ZRANB1: variants seen among roughly 807,000 people sequenced by gnomAD.
ZRANB1 encodes the protein ubiquitin thioesterase ZRANB1.
A neutral mutation model predicts 80.5 loss-of-function variants in ZRANB1; 16 were observed. The ratio of observed to expected loss-of-function variants is 0.20; its 90% confidence interval spans 0.13 to 0.30. The LOEUF (loss-of-function observed/expected upper bound fraction) is 0.30. ZRANB1 is among the 10% of genes least tolerant of loss of function. ZRANB1 has a pLI of 1.00. For synonymous variants in ZRANB1, 291 were observed against 293.1 expected (o/e 0.99, Z 0.07); for missense variants, 576 against 862.6 (o/e 0.67, Z 4.16).
chr10:124,917,611 A>G, the ZRANB1 span, among the ~76,000 whole-genome samples: 1 of 152,058 alleles, frequency 6.6e-6, no homozygotes, highest in Non-Finnish European at 1.5e-5. Context: ...CGGATCGGCG[A>G]GTGGGGTTTC....
chr10:124,923,706 C>T, the ZRANB1 span, among the ~76,000 whole-genome samples: 7 of 152,026 alleles, frequency 4.6e-5, no homozygotes, highest in East Asian at 1.2e-3. Context: ...AGCACCTTCA[C>T]AAGGCAGGAG....
the ZRANB1 span, among the ~76,000 whole-genome samples, chr10:124,924,297 TAAAA>T: frequency 1.5e-5 from 2 of 137,060 alleles, no homozygotes; most frequent in Non-Finnish European, 3.2e-5. Context: ...CAGTTTTTTC[TAAAA>T]AAAAAAAAAA....
At position 124,962,342 on chromosome 10, in the gene ZRANB1, C is replaced by T. The variant is rs944811503; in HGVS notation, c.815-4252C>T. On this transcript the variant is annotated intron_variant, in intron 1 of 8. Coordinates refer to ENST00000359653, the MANE Select transcript of ZRANB1 (RefSeq NM_017580.3). ...GTCCACCCTGACCCCACAGCATAAA[C>T]CATGCTGTGATGTCACAGCTACCAT... The T allele has an allele frequency of 3.7e-5, 36 of 981,394 alleles. No individual in the cohort carries two copies. In the African/African-American group the frequency reaches 6.3e-4, roughly 17 times the overall value. 60.8% of individuals were successfully genotyped at this position (981,394 alleles called of 1,614,324 possible).
intron 1 of ZRANB1, among the ~76,000 whole-genome samples, chr10:124,964,554 T>C (rs1223341427): frequency 6.6e-6 from 1 of 152,204 alleles, no homozygotes; most frequent in Non-Finnish European, 1.5e-5. Context: ...GAAATAAACA[T>C]GAACACATAT....
the ZRANB1 span, among the ~76,000 whole-genome samples, chr10:124,922,833 G>A: frequency 6.6e-6 from 1 of 152,002 alleles, no homozygotes; most frequent in African/African-American, 2.4e-5. Flanking sequence ...AAGCCACTGC[G>A]CCTGGCCCTA....
At chr10:124,926,291 T>G in the ZRANB1 span, among the ~76,000 whole-genome samples, 2 of 152,210 alleles carry the variant, frequency 1.3e-5, no homozygotes, top group Admixed American at 1.3e-4. Flanking sequence ...AATCTTAGCT[T>G]ATTGTAACTT....
At chr10:124,969,755 A>G (rs1328251127) in intron 2 of ZRANB1, among the ~76,000 whole-genome samples, 2 of 152,252 alleles carry the variant, frequency 1.3e-5, no homozygotes, top group African/African-American at 2.4e-5. Flanking sequence ...TTTAACTTGA[A>G]TTAAAACCAA....
At chr10:124,933,304 T>C in the ZRANB1 span, among the ~76,000 whole-genome samples, 3 of 151,954 alleles carry the variant, frequency 2.0e-5, no homozygotes, top group Admixed American at 6.6e-5. Flanking sequence ...GCCCAGCTAA[T>C]TTTTTCGTAT....
upstream of ZRANB1, among the ~76,000 whole-genome samples, chr10:124,937,375 G>A (rs867644645): frequency 2.6e-5 from 4 of 151,080 alleles, no homozygotes; most frequent in Non-Finnish European, 4.4e-5. Flanking sequence ...TGGTAGAGAC[G>A]GGGTTTCGCC....
rs999029904 is a variant in ZRANB1, at chr10:124,987,557, C to T, written c.*2565C>T. On this transcript the variant is annotated 3_prime_UTR_variant, in exon 9 of 9. Coordinates refer to ENST00000359653, the MANE Select transcript of ZRANB1 (RefSeq NM_017580.3). ...CCTTTTCACGCATATTTCATTGCCT[C>T]TTTGATGAGTGGTTACGAAGACGTT... 1.3e-5 allele frequency: 2 copies of T among 152,132 alleles called. No individual in the cohort carries two copies. Among genetic ancestry groups the T allele is most frequent in the African/African-American group, 2.4e-5 (1 of 41,436 alleles). The allele number at this position is 152,132 out of a possible 1,614,324, so 9.4% of individuals were successfully genotyped here.
At chr10:124,957,118 A>G (rs1951693239) in intron 1 of ZRANB1, among the ~76,000 whole-genome samples, 1 of 151,442 alleles carries the variant, frequency 6.6e-6, no homozygotes, top group South Asian at 2.1e-4. Flanking sequence ...GTTAAGGATT[A>G]TACATTGTGT....
At chr10:124,932,630 G>C in the ZRANB1 span, among the ~76,000 whole-genome samples, 1 of 152,046 alleles carries the variant, frequency 6.6e-6, no homozygotes, top group Non-Finnish European at 1.5e-5. Context: ...ATTCTTGATA[G>C]CATTTGTTAG....
In ZRANB1 at chr10:124,987,297, G is replaced by GTTC. The variant is rs1180143663; in HGVS notation, c.*2308_*2310dup. 1 of 152,326 alleles carries GTTC rather than the reference G, an allele frequency of 6.6e-6. No homozygotes were observed. Among genetic ancestry groups the GTTC allele is most frequent in the Non-Finnish European group, 1.5e-5 (1 of 68,004 alleles). The allele number at this position is 152,326 out of a possible 1,614,324, so 9.4% of individuals were successfully genotyped here. On this transcript the variant is annotated 3_prime_UTR_variant, in exon 9 of 9. Coordinates refer to ENST00000359653, the MANE Select transcript of ZRANB1 (RefSeq NM_017580.3). ...ATACCTGCACTCTGTGGACTTGATG[G>GTTC]TTCTTTTTCTAGAGCAAACAGAGCG...
At chr10:124,935,035 T>C in the ZRANB1 span, among the ~76,000 whole-genome samples, 12 of 152,320 alleles carry the variant, frequency 7.9e-5, no homozygotes, top group African/African-American at 2.9e-4. Flanking sequence ...AACAAATAAT[T>C]TAGTGATTGT....
At chr10:124,922,336 A>ATATATATT in the ZRANB1 span, among the ~76,000 whole-genome samples, 2 of 44,768 alleles carry the variant, frequency 4.5e-5, no homozygotes, top group Non-Finnish European at 1.2e-4. Flanking sequence ...GTATATATAT[A>ATATATATT]TTTTTTTTTT....
At chr10:124,917,181 T>TGCCGCCGCCGCTGCCGCCGCCGCC in the ZRANB1 span, 1 of 166,180 alleles carries the variant, frequency 6.0e-6, no homozygotes. Context: ...GAGTCGCCGC[T>TGCCGCCGCCGCTGCCGCCGCCGCC]GCCGCCGCCG....
At chr10:124,931,168 C>T in the ZRANB1 span, among the ~76,000 whole-genome samples, 14 of 151,794 alleles carry the variant, frequency 9.2e-5, no homozygotes, top group African/African-American at 3.1e-4. Flanking sequence ...ATTGACCTTC[C>T]GGGCTCAAGT....
the ZRANB1 span, among the ~76,000 whole-genome samples, chr10:124,933,324 A>G: frequency 1.3e-5 from 2 of 151,972 alleles, no homozygotes; most frequent in African/African-American, 4.8e-5. Context: ...TTTTTAATAG[A>G]GACAGGGTTT....
intron 5 of ZRANB1, among the ~76,000 whole-genome samples, chr10:124,978,793 A>ATTTTTTTTTTTTTTTTTTTTTTTTTT (rs35714295): frequency 8.7e-6 from 1 of 115,440 alleles, no homozygotes. Context: ...TTCCCAGCTA[A>ATTTTTTTTTTTTTTTTTTTTTTTTTT]TTTTTTTTTT....
Sources: gnomAD v4.1 joint callset for allele counts (sites outside exome capture counted in the v4.1 genomes callset) on GRCh38, gnomAD v4.1.1 for gene constraint, MANE v1.5 for transcripts, NCBI Gene and HGNC (gene_info 2026-07-23, HGNC 2026-07-21) for gene names.